The following C2orf49 variants were observed in gnomAD, a reference collection of about 807,000 sequenced individuals.
C2orf49 encodes tRNA-splicing ligase complex subunit ASW.
Under a neutral mutation model 20.6 loss-of-function variants are expected in C2orf49, and 11 were observed. The observed-to-expected ratio is 0.53, with a 90% confidence interval of 0.34 to 0.88. The LOEUF is 0.88. Among genes scored for constraint, C2orf49 ranks in the 40% least tolerant of loss-of-function variants. C2orf49 has a pLI of 0.02. For synonymous variants in C2orf49, 134 were observed against 108.5 expected, an observed-to-expected ratio of 1.24 and a Z score of -1.46; for missense variants, 289 against 274.2, an observed-to-expected ratio of 1.05 and a Z score of -0.38.
chr2:105,373,259 G>A, the C2orf49 span, among the ~76,000 whole-genome samples: 70,567 of 152,064 alleles, frequency 0.46, 17,320 homozygotes, highest in African/African-American at 0.62. Flanking sequence ...GGTGGTGGGA[G>A]AGTGGGGGCT....
At chr2:105,363,179 G>C in the C2orf49 span, 1 of 1,052,954 alleles carries the variant, frequency 9.5e-7, no homozygotes, top group Admixed American at 2.2e-5. Context: ...CAGAGCCTTA[G>C]GGAGGTCTGG....
rs752182071 is a variant in C2orf49 at position 105,337,561 on chromosome 2, G to T, written c.-27G>T. ...CTTCCTTCGCGGGGCTTTGTGGGTA[G>T]CCGACTGGGGTCTCCTGGCGACGAC... On this transcript the variant is annotated 5_prime_UTR_variant, in exon 1 of 4. Coordinates refer to ENST00000258457, the MANE Select transcript of C2orf49 (RefSeq NM_024093.3). 1.9e-6 allele frequency: 3 copies of T among 1,613,096 alleles called. No individual in the cohort carries two copies. The highest frequency in any genetic ancestry group is 2.5e-6 in the Non-Finnish European group (3 of 1,179,906).
chr2:105,381,953 C>T, the C2orf49 span, among the ~76,000 whole-genome samples: 1 of 152,086 alleles, frequency 6.6e-6, no homozygotes, highest in Non-Finnish European at 1.5e-5. Flanking sequence ...GTTTTTCAAA[C>T]CTGACCTTAC....
the C2orf49 span, among the ~76,000 whole-genome samples, chr2:105,368,954 C>A: frequency 6.6e-6 from 1 of 152,194 alleles, no homozygotes; most frequent in Admixed American, 6.5e-5. Flanking sequence ...CACAGCCACG[C>A]CCATTAATTT....
the C2orf49 span, among the ~76,000 whole-genome samples, chr2:105,355,773 TGTG>T: frequency 2.5e-5 from 1 of 39,592 alleles, no homozygotes; most frequent in East Asian, 6.4e-4. Context: ...AAAAATTTTG[TGTG>T]TGTGTGTGTG....
Position 105,342,882 on chromosome 2 carries a change from C to T in C2orf49, c.301C>T (p.Leu101Phe), listed in dbSNP as rs1231124903. 2 of 1,614,064 alleles carry T rather than the reference C, an allele frequency of 1.2e-6. No homozygotes were observed. Among genetic ancestry groups the T allele is most frequent in the Non-Finnish European group, 1.7e-6 (2 of 1,179,974 alleles). Reference sequence around the variant, plus strand: ...TGTAGATGGGTTAAGGAAAAGACCCCTCATCGTATTTGATGGAAGTTCAAC... The same window carrying T: ...TGTAGATGGGTTAAGGAAAAGACCCTTCATCGTATTTGATGGAAGTTCAAC... Reference protein sequence around the residue: ...STVDGLRKRPLIVFDGSSTST... With the variant: ...STVDGLRKRPFIVFDGSSTST... Residue 101 changes from leucine to phenylalanine, a missense_variant, in exon 3 of 4, where the codon CTC becomes TTC. Transcript: ENST00000258457.
rs1679833737 is a variant in C2orf49, at chr2:105,347,117, T to G, written c.*1746T>G. On this transcript the variant is annotated 3_prime_UTR_variant, in exon 4 of 4. Coordinates refer to ENST00000258457, the MANE Select transcript of C2orf49 (RefSeq NM_024093.3). ...CATACTAAGACTTTAACCCAATAGT[T>G]TTTAATCATTCTGCCTTTATTCCAA... is the stretch of plus-strand genomic sequence containing the variant. 1 of 151,558 alleles carries G rather than the reference T, an allele frequency of 6.6e-6. No individual in the cohort carries two copies. Among genetic ancestry groups the G allele is most frequent in the African/African-American group, 2.4e-5 (1 of 41,080 alleles). The allele number at this position is 151,558 out of a possible 1,614,324, so 9.4% of individuals were successfully genotyped here.
At chr2:105,365,135 C>T in the C2orf49 span, among the ~76,000 whole-genome samples, 1 of 152,208 alleles carries the variant, frequency 6.6e-6, no homozygotes, top group Non-Finnish European at 1.5e-5. Context: ...ATGACTTTCT[C>T]AGAGACTCCT....
At chr2:105,349,422 T>C (rs1271032830), downstream of C2orf49, among the ~76,000 whole-genome samples, 1 of 152,196 alleles carries the variant, frequency 6.6e-6, no homozygotes, top group African/African-American at 2.4e-5. Flanking sequence ...ACATAGATTC[T>C]TCATTTTTTT....
the C2orf49 span, among the ~76,000 whole-genome samples, chr2:105,371,351 C>T: frequency 6.6e-6 from 1 of 152,102 alleles, no homozygotes; most frequent in South Asian, 2.1e-4. Context: ...ACTAAGGTTT[C>T]CCTAAGGGCA....
the C2orf49 span, among the ~76,000 whole-genome samples, chr2:105,369,233 A>G: frequency 6.6e-6 from 1 of 152,206 alleles, no homozygotes; most frequent in South Asian, 2.1e-4. Flanking sequence ...CCCGCTCCAG[A>G]CCAGGTGGAA....
At chr2:105,361,170 G>T in the C2orf49 span, 114 of 1,082,190 alleles carry the variant, frequency 1.1e-4, no homozygotes, top group Non-Finnish European at 1.5e-4. Context: ...AAAAGCACTA[G>T]AAGAAAGTCT....
downstream of C2orf49, among the ~76,000 whole-genome samples, chr2:105,351,311 G>GCCCCC (rs1262786903): frequency 9.9e-5 from 5 of 50,432 alleles, no homozygotes; most frequent in African/African-American, 1.6e-4. Flanking sequence ...TTTGCCCACC[G>GCCCCC]CGCCCCCCCC....
At chr2:105,366,301 GAT>G in the C2orf49 span, among the ~76,000 whole-genome samples, 2 of 152,232 alleles carry the variant, frequency 1.3e-5, no homozygotes, top group African/African-American at 2.4e-5. Context: ...GCAAGGTGGG[GAT>G]ATTCTTGCCC....
In C2orf49 at chr2:105,347,438, A is replaced by C. The variant is rs1468290381; in HGVS notation, c.*2067A>C. 2 of 152,224 alleles carry C rather than the reference A, an allele frequency of 1.3e-5. No individual in the cohort carries two copies. Among genetic ancestry groups the C allele is most frequent in the African/African-American group, 4.8e-5 (2 of 41,452 alleles). The allele number at this position is 152,224 out of a possible 1,614,324, so 9.4% of individuals were successfully genotyped here. ...GGAACTTATTTTTAGTTACTCAATA[A>C]AATTAATATTTTATTTGTATTTTAA... On this transcript the variant is annotated 3_prime_UTR_variant, in exon 4 of 4. Transcript: ENST00000258457.
chr2:105,340,543 G>A (rs956075369), intron 2 of C2orf49, among the ~76,000 whole-genome samples: 16 of 152,112 alleles, frequency 1.1e-4, no homozygotes, highest in African/African-American at 3.6e-4. Context: ...TGAATTTTGA[G>A]GAAAAAGTCA....
chr2:105,361,509 GT>G, the C2orf49 span: 1 of 1,385,874 alleles, frequency 7.2e-7, no homozygotes, highest in Non-Finnish European at 1.0e-6. Flanking sequence ...AGGAATTCTG[GT>G]TTGATCCATT....
the C2orf49 span, chr2:105,378,068 G>A: frequency 1.1e-5 from 5 of 471,198 alleles, no homozygotes; most frequent in Non-Finnish European, 1.8e-5. Context: ...ACCACAGCCA[G>A]TGCTCCGGTC....
the C2orf49 span, chr2:105,361,229 A>G: frequency 6.4e-7 from 1 of 1,565,250 alleles, no homozygotes; most frequent in Non-Finnish European, 8.7e-7. Context: ...GGTGAGAAAG[A>G]AAACATAAAA....
Sources: allele counts gnomAD v4.1 joint callset (sites outside exome capture counted in the v4.1 genomes callset), GRCh38; gene constraint gnomAD v4.1.1; transcripts MANE v1.5; gene names NCBI Gene and HGNC (gene_info 2026-07-23, HGNC 2026-07-21).